SDCCAG8: variants seen among roughly 807,000 people sequenced by gnomAD.
The protein encoded by SDCCAG8 is serologically defined colon cancer antigen 8.
A neutral mutation model predicts 101.8 loss-of-function variants in SDCCAG8; 74 were observed. That is an observed-to-expected ratio of 0.73 (90% CI 0.60 to 0.88). The LOEUF (loss-of-function observed/expected upper bound fraction) is 0.88. SDCCAG8 is among the 40% of genes least tolerant of loss of function. The pLI is 0.00. For missense variants in SDCCAG8, 787 were observed against 822.6 expected (o/e 0.96, Z 0.53); for synonymous variants, 281 against 292.9 (o/e 0.96, Z 0.41).
At chr1:243,288,772 A>G (rs899272674) in intron 5 of SDCCAG8, among the ~76,000 whole-genome samples, 4 of 152,060 alleles carry the variant, frequency 2.6e-5, no homozygotes, top group Non-Finnish European at 4.4e-5. Context: ...ACTTTGGGAG[A>G]CCAAGGTGGG....
At chr1:243,372,940 ATATCTATATC>A (rs1303774161) in intron 12 of SDCCAG8, among the ~76,000 whole-genome samples, 45 of 143,618 alleles carry the variant, frequency 3.1e-4, no homozygotes, top group African/African-American at 1.2e-3. Flanking sequence ...ATCTATATCT[ATATCTATATC>A]TATCTATATA....
chr1:243,397,783 A>G (rs2079116550), intron 13 of SDCCAG8, among the ~76,000 whole-genome samples: 1 of 152,270 alleles, frequency 6.6e-6, no homozygotes, highest in Admixed American at 6.5e-5. Flanking sequence ...CTTTGGGCAG[A>G]CACCTGCAAA....
chr1:243,485,454 T>C (rs1664592367), intron 16 of SDCCAG8, among the ~76,000 whole-genome samples: 1 of 152,106 alleles, frequency 6.6e-6, no homozygotes, highest in Non-Finnish European at 1.5e-5. Context: ...ACCACAAATA[T>C]GACAGAGCAG....
chr1:243,453,694 T>A (rs983102135), intron 16 of SDCCAG8, among the ~76,000 whole-genome samples: 1 of 152,250 alleles, frequency 6.6e-6, no homozygotes, highest in African/African-American at 2.4e-5. Flanking sequence ...GCTAAATAGA[T>A]TCTCTCAACT....
At chr1:243,316,025 A>G (rs1050476663) in intron 8 of SDCCAG8, among the ~76,000 whole-genome samples, 4 of 152,178 alleles carry the variant, frequency 2.6e-5, no homozygotes, top group African/African-American at 7.2e-5. Flanking sequence ...TATCCTTGCT[A>G]TTTTACATGC....
intron 15 of SDCCAG8, among the ~76,000 whole-genome samples, chr1:243,421,569 G>A (rs1158092278): frequency 1.3e-5 from 2 of 152,168 alleles, no homozygotes; most frequent in African/African-American, 4.8e-5. Context: ...CGCGCTCTGT[G>A]TACTCCACAC....
intron 12 of SDCCAG8, among the ~76,000 whole-genome samples, chr1:243,352,996 C>A (rs1339887113): frequency 6.6e-6 from 1 of 152,104 alleles, no homozygotes; most frequent in East Asian, 1.9e-4. Flanking sequence ...CCCTTTTGCC[C>A]TAAACTTCAT....
intron 10 of SDCCAG8, among the ~76,000 whole-genome samples, chr1:243,337,240 C>T (rs2147768192): frequency 6.6e-6 from 1 of 152,310 alleles, no homozygotes; most frequent in Middle Eastern, 3.4e-3. Flanking sequence ...AGCCAGCTAT[C>T]CTAGCACCAT....
chr1:243,392,442 G>A (rs2078758988), intron 13 of SDCCAG8, among the ~76,000 whole-genome samples: 1 of 152,180 alleles, frequency 6.6e-6, no homozygotes, highest in South Asian at 2.1e-4. Context: ...CTGTGCCCTA[G>A]GGGCTCTGTA....
intron 7 of SDCCAG8, 96 bp downstream of exon 7, chr1:243,304,873 AG>A: frequency 3.7e-6 from 3 of 805,774 alleles, no homozygotes; most frequent in African/African-American, 1.7e-5. Context: ...AGTCATTATC[AG>A]ACTTACTTGA....
In SDCCAG8 at chr1:243,469,221, C is replaced by T. The variant is rs138057741; in HGVS notation, c.1986-19793C>T. ...TTGGACTCATATTATCTAGTTTAGG[C>T]TGATTTGTCATTTTTTTGAGTAGTA... On this transcript the variant is annotated intron_variant, in intron 16 of 17. Transcript: ENST00000366541. Among the ~76,000 whole-genome samples the T allele has an allele frequency of 5.9e-3, 897 of 152,230 alleles. 5 individuals are homozygous for T. Among genetic ancestry groups the T allele is most frequent in the Admixed American group, 0.012 (184 of 15,288 alleles).
At chr1:243,478,105 C>T (rs1662781845) in intron 16 of SDCCAG8, among the ~76,000 whole-genome samples, 1 of 152,208 alleles carries the variant, frequency 6.6e-6, no homozygotes, top group Non-Finnish European at 1.5e-5. Context: ...CGCCCCCAGG[C>T]CTCGGAAAAT....
intron 16 of SDCCAG8, among the ~76,000 whole-genome samples, chr1:243,428,039 G>A (rs2081459570): frequency 6.6e-6 from 1 of 152,204 alleles, no homozygotes; most frequent in Admixed American, 6.5e-5. Context: ...TGGCCATTGG[G>A]CCAGCCTTTG....
intron 17 of SDCCAG8, among the ~76,000 whole-genome samples, chr1:243,495,862 C>G (rs1031137554): frequency 5.3e-5 from 8 of 152,170 alleles, no homozygotes; most frequent in Admixed American, 6.5e-5. Context: ...ATCAAACTGG[C>G]TGCCCCTCAT....
At chr1:243,271,733 G>A (rs1308114221) in intron 3 of SDCCAG8, among the ~76,000 whole-genome samples, 1 of 151,850 alleles carries the variant, frequency 6.6e-6, no homozygotes, top group Non-Finnish European at 1.5e-5. Context: ...TAGTAGAGAT[G>A]GGGTTTCACC....
At chr1:243,327,368 T>TTATAGAAATTAAAATTATAATTATAATTA (rs2074244861) in intron 9 of SDCCAG8, among the ~76,000 whole-genome samples, 2 of 146,238 alleles carry the variant, frequency 1.4e-5, no homozygotes, top group Non-Finnish European at 1.5e-5. Flanking sequence ...AATTATAATT[T>TTATAGAAATTAAAATTATAATTATAATTA]TATAGAAATT....
chr1:243,423,111 T>C (rs1414071827), intron 15 of SDCCAG8, among the ~76,000 whole-genome samples: 1 of 152,050 alleles, frequency 6.6e-6, no homozygotes, highest in Admixed American at 6.5e-5. Flanking sequence ...AAAATGGAAG[T>C]TGGTAGGCAA....
At chr1:243,455,132 T>A (rs1296257001) in intron 16 of SDCCAG8, among the ~76,000 whole-genome samples, 1 of 152,222 alleles carries the variant, frequency 6.6e-6, no homozygotes, top group Non-Finnish European at 1.5e-5. Context: ...GGAGGAAATC[T>A]ATTTCAGAAT....
chr1:243,327,064 G>A (rs1358208174), intron 9 of SDCCAG8, among the ~76,000 whole-genome samples: 1 of 151,944 alleles, frequency 6.6e-6, no homozygotes, highest in Non-Finnish European at 1.5e-5. Context: ...CTGGGTGGGG[G>A]GAATGTATAA....
Sources: gnomAD v4.1 joint callset for allele counts (sites outside exome capture counted in the v4.1 genomes callset) on GRCh38, gnomAD v4.1.1 for gene constraint, MANE v1.5 for transcripts, NCBI Gene and HGNC (gene_info 2026-07-23, HGNC 2026-07-21) for gene names.